The following YES1 variants were observed in gnomAD, a reference collection of about 807,000 sequenced individuals.
The protein encoded by YES1 is YES proto-oncogene 1, Src family tyrosine kinase, also known as tyrosine-protein kinase Yes.
A neutral mutation model predicts 70.4 loss-of-function variants in YES1; 39 were observed. The ratio of observed to expected loss-of-function variants is 0.55; its 90% CI spans 0.43 to 0.72. The LOEUF is 0.72. Among genes scored for constraint, YES1 ranks in the 30% least tolerant of loss-of-function variants. The pLI is 0.00. For missense variants in YES1, 495 were observed against 644.8 expected (o/e 0.77, Z 2.52); for synonymous variants, 198 against 218.6 (o/e 0.91, Z 0.83).
intron 1 of YES1, 115 bp downstream of exon 1, chr18:811,999 C>G (rs904155390): frequency 6.2e-6 from 1 of 160,030 alleles, no homozygotes; most frequent in Non-Finnish European, 1.2e-5. Context: ...CGACTCGGGC[C>G]CGCGGGGGCG....
At chr18:751,149 A>G (rs781163459) in intron 3 of YES1, among the ~76,000 whole-genome samples, 1 of 152,214 alleles carries the variant, frequency 6.6e-6, no homozygotes, top group African/African-American at 2.4e-5. Flanking sequence ...CCATAAATAT[A>G]TATTTTGAGA....
At chr18:734,792 GA>G (rs2080133012) in intron 10 of YES1, among the ~76,000 whole-genome samples, 2 of 152,130 alleles carry the variant, frequency 1.3e-5, no homozygotes, top group Admixed American at 1.3e-4. Flanking sequence ...AAACAGTATG[GA>G]AACTCCTTAA....
chr18:748,990 G>T (rs944603443), intron 3 of YES1, among the ~76,000 whole-genome samples: 1 of 151,868 alleles, frequency 6.6e-6, no homozygotes, highest in Non-Finnish European at 1.5e-5. Context: ...GTGAAACCTG[G>T]TCTCTACTAA....
At chr18:808,159 A>T (rs1382594307) in intron 1 of YES1, among the ~76,000 whole-genome samples, 1 of 152,226 alleles carries the variant, frequency 6.6e-6, no homozygotes, top group Non-Finnish European at 1.5e-5. Context: ...ATATATTGCC[A>T]TCAAGTCTGC....
chr18:773,180 A>G (rs560862171), intron 1 of YES1, among the ~76,000 whole-genome samples: 125 of 152,314 alleles, frequency 8.2e-4, no homozygotes, highest in African/African-American at 2.6e-3. Context: ...TCCACATTAG[A>G]TTTTTCTTTA....
At chr18:746,101 A>G in intron 4 of YES1, 50 bp from the exon 5 acceptor site, 3 of 1,381,364 alleles carry the variant, frequency 2.2e-6, no homozygotes, top group Non-Finnish European at 3.1e-6. Context: ...GTTCAGAAAA[A>G]TTATACAGAA....
chr18:737,954 A>C (rs2080171919), intron 9 of YES1: 2 of 152,104 alleles, frequency 1.3e-5, no homozygotes, highest in Admixed American at 1.3e-4. Context: ...AGATTATAGG[A>C]GCCATCTCGC....
intron 10 of YES1, chr18:736,096 C>T (rs1467009980): frequency 4.6e-5 from 7 of 152,754 alleles, no homozygotes; most frequent in African/African-American, 1.2e-4. Context: ...CACCTGAGCC[C>T]CAGGAGGTCA....
rs1314847226 is a variant in YES1 at position 724,578 on chromosome 18, C to T, written c.1478G>A (p.Cys493Tyr). 6.2e-7 allele frequency: 1 copy of T among 1,614,164 alleles called. No homozygotes were observed. The highest frequency in any genetic ancestry group is 2.2e-5 in the East Asian group (1 of 44,870). The part of the protein sequence containing the change: ...EQVERGYRMP[C>Y]PQGCPESLHE... ...GAGGGATTCTGGACAGCCCTGAGGG[C>T]ACGGCATCCTGTATCCTCGCTCCAC... is the stretch of plus-strand genomic sequence containing the variant. The change falls in exon 12 of 12, where the codon TGC becomes TAC. Residue 493 changes from cysteine (C) to tyrosine (Y), a missense_variant. Physicochemically the swap from Cys to Tyr is radical, Grantham distance 194. This residue lies in a region of YES1 where 385 missense variants were observed against 540.9 expected (regional missense o/e 0.71). Transcript: ENST00000314574.
At position 768,962 on chromosome 18, in the gene YES1, C is replaced by T. The variant is rs555891091; in HGVS notation, c.-8-12127G>A. On this transcript the variant is annotated intron_variant, in intron 1 of 11. Transcript: ENST00000314574. ...CAGTGATCCACCTGCCTCAGCCTCC[C>T]GAAGTGCTGGGATACAGGCATGAGC... Among the ~76,000 whole-genome samples, 7 of 152,210 alleles carry T rather than the reference C, an allele frequency of 4.6e-5. No homozygotes were observed. The East Asian group carries it at 7.7e-4, about 17-fold the overall frequency.
At chr18:788,387 T>C (rs1906072772) in intron 1 of YES1, among the ~76,000 whole-genome samples, 1 of 152,196 alleles carries the variant, frequency 6.6e-6, no homozygotes, top group Non-Finnish European at 1.5e-5. Flanking sequence ...AAATAGGGCT[T>C]ACTTCTGGCT....
chr18:756,000 T>C (rs1479554895), intron 2 of YES1, among the ~76,000 whole-genome samples: 1 of 152,202 alleles, frequency 6.6e-6, no homozygotes, highest in Non-Finnish European at 1.5e-5. Context: ...AATGTAATAA[T>C]TGGAGTTCTG....
At chr18:786,761 C>G (rs1028540211) in intron 1 of YES1, among the ~76,000 whole-genome samples, 1 of 152,126 alleles carries the variant, frequency 6.6e-6, no homozygotes, top group Non-Finnish European at 1.5e-5. Flanking sequence ...TATGGTCAAG[C>G]TCCAAGGACC....
intron 1 of YES1, among the ~76,000 whole-genome samples, chr18:802,716 G>T (rs1277855509): frequency 2.0e-5 from 3 of 152,114 alleles, no homozygotes; most frequent in African/African-American, 7.2e-5. Flanking sequence ...TTAAATCCCA[G>T]TTCTGCCGGT....
At chr18:731,771 T>C (rs752316286) in intron 11 of YES1, among the ~76,000 whole-genome samples, 1 of 151,516 alleles carries the variant, frequency 6.6e-6, no homozygotes, top group South Asian at 2.1e-4. Context: ...ATCGAGACCA[T>C]CCTGGTTAAC....
chr18:786,496 T>TACACACACACAC (rs56410052), intron 1 of YES1, among the ~76,000 whole-genome samples: 2,352 of 139,488 alleles, frequency 0.017, 38 homozygotes, highest in East Asian at 0.046. Flanking sequence ...AATAAGTCCA[T>TACACACACACAC]ACACACACAC....
intron 1 of YES1, among the ~76,000 whole-genome samples, chr18:787,603 C>T (rs922628512): frequency 2.6e-5 from 4 of 151,776 alleles, no homozygotes; most frequent in Admixed American, 1.3e-4. Flanking sequence ...CCAGCTACTC[C>T]GGAGGCTAAG....
At position 769,917 on chromosome 18, in the gene YES1, T is replaced by G. The variant is rs530231122; in HGVS notation, c.-8-13082A>C. On this transcript the variant is annotated intron_variant, in intron 1 of 11. Transcript: ENST00000314574. The stretch of plus-strand genomic sequence containing the variant: ...GTGTTTGCTTTTGGTATCAGGATGT[T>G]GGCCTCACAAAATGAATTGGGAAGT... Among the ~76,000 whole-genome samples the G allele has an allele frequency of 1.1e-4, 17 of 152,270 alleles. 1 individual carries two copies. The highest frequency in any genetic ancestry group is 1.0e-3 in the South Asian group (5 of 4,822).
At chr18:790,552 T>A (rs999197317) in intron 1 of YES1, among the ~76,000 whole-genome samples, 6 of 152,172 alleles carry the variant, frequency 3.9e-5, no homozygotes, top group Admixed American at 1.3e-4. Context: ...GATTTCATCA[T>A]AAACTAGAAA....
Sources: allele counts gnomAD v4.1 joint callset (sites outside exome capture counted in the v4.1 genomes callset), GRCh38; gene constraint gnomAD v4.1.1; regional missense constraint gnomAD v4.1.1; transcripts MANE v1.5; gene names NCBI Gene and HGNC (gene_info 2026-07-23, HGNC 2026-07-21).